ARID4B: variants seen among roughly 807,000 people sequenced by gnomAD.
The protein encoded by ARID4B is AT-rich interactive domain-containing protein 4B.
In ARID4B, 26 loss-of-function variants were observed where a neutral mutation model predicts 147.5. The observed-to-expected ratio is 0.18, with a 90% CI of 0.13 to 0.24. ARID4B has a LOEUF of 0.24. Among genes scored for constraint, ARID4B ranks in the 10% least tolerant of loss-of-function variants. The probability of loss-of-function intolerance (pLI) is 1.00; values close to 1 mark genes in which losing one functional copy is unlikely to be tolerated. For synonymous variants in ARID4B, 512 were observed against 507.9 expected (o/e 1.01, Z -0.11); for missense variants, 1,179 against 1,511.5 (o/e 0.78, Z 3.65).
At chr1:235,204,967 G>A (rs1199612072) in intron 17 of ARID4B, among the ~76,000 whole-genome samples, 1 of 151,976 alleles carries the variant, frequency 6.6e-6, no homozygotes, top group Non-Finnish European at 1.5e-5. Context: ...CAAAATCTAT[G>A]GTTAACTCAA....
intron 2 of ARID4B, among the ~76,000 whole-genome samples, chr1:235,287,333 C>T (rs1437948759): frequency 6.6e-6 from 1 of 151,868 alleles, no homozygotes; most frequent in Non-Finnish European, 1.5e-5. Context: ...CAGATCTGAT[C>T]CCAGACTACT....
chr1:235,243,045 CCT>C (rs980842679), intron 7 of ARID4B, among the ~76,000 whole-genome samples: 4 of 151,980 alleles, frequency 2.6e-5, no homozygotes, highest in Admixed American at 6.6e-5. Flanking sequence ...TATCTCCTCC[CCT>C]GAGAGAATGT....
At chr1:235,170,898 G>C (rs1206534890) in intron 23 of ARID4B, among the ~76,000 whole-genome samples, 1 of 124,094 alleles carries the variant, frequency 8.1e-6, no homozygotes, top group South Asian at 2.8e-4. Flanking sequence ...GTGACTGACC[G>C]AGACTCCGTC....
chr1:235,269,129 T>C (rs1670807839), intron 2 of ARID4B, among the ~76,000 whole-genome samples: 1 of 152,198 alleles, frequency 6.6e-6, no homozygotes, highest in Non-Finnish European at 1.5e-5. Flanking sequence ...CAAATTACAA[T>C]GCATTCAGTA....
intron 17 of ARID4B, among the ~76,000 whole-genome samples, chr1:235,200,788 T>C (rs575781968): frequency 1.3e-5 from 2 of 152,108 alleles, no homozygotes; most frequent in Admixed American, 6.5e-5. Context: ...GATAAGAAAA[T>C]AGTCAATGCA....
At chr1:235,243,645 G>A (rs893929955) in intron 7 of ARID4B, among the ~76,000 whole-genome samples, 2 of 151,938 alleles carry the variant, frequency 1.3e-5, no homozygotes, top group African/African-American at 2.4e-5. Context: ...ACAAGATATG[G>A]GCCAAGGAAT....
At position 235,283,261 on chromosome 1, in the gene ARID4B, G is replaced by A. The variant is rs571224518; in HGVS notation, c.7-22509C>T. On this transcript the variant is annotated intron_variant, in intron 2 of 23. Coordinates refer to ENST00000264183, the MANE Select transcript of ARID4B (RefSeq NM_016374.6). The stretch of plus-strand genomic sequence containing the variant: ...TAATTCACTAGAGGCAGGAAAAAGA[G>A]CTTAAATCCAGATGTCATACCATAA... 2.0e-5 allele frequency among the ~76,000 whole-genome samples: 3 copies of A among 152,254 alleles called. No homozygotes were observed. In the South Asian group the frequency reaches 6.2e-4, roughly 32 times the overall value.
chr1:235,211,741 T>G (rs16832469), intron 17 of ARID4B, among the ~76,000 whole-genome samples: 2 of 152,098 alleles, frequency 1.3e-5, no homozygotes, highest in African/African-American at 4.8e-5. Flanking sequence ...AGCTTTTTTC[T>G]TCCTAATTTT....
chr1:235,232,968 G>A (rs1668336896), intron 9 of ARID4B, among the ~76,000 whole-genome samples: 1 of 151,974 alleles, frequency 6.6e-6, no homozygotes, highest in South Asian at 2.1e-4. Flanking sequence ...CTCCCTAGTA[G>A]CTGGAATTAC....
intron 9 of ARID4B, among the ~76,000 whole-genome samples, chr1:235,232,347 G>GA: frequency 6.6e-6 from 1 of 152,034 alleles, no homozygotes; most frequent in East Asian, 1.9e-4. Context: ...TTGAACCTGG[G>GA]AGGCGGAGGT....
At chr1:235,317,533 G>A (rs925825654) in intron 2 of ARID4B, among the ~76,000 whole-genome samples, 2 of 152,164 alleles carry the variant, frequency 1.3e-5, no homozygotes, top group African/African-American at 4.8e-5. Flanking sequence ...ATGGTAAGGT[G>A]AACATGAAGA....
intron 2 of ARID4B, among the ~76,000 whole-genome samples, chr1:235,266,846 GA>G (rs1670641315): frequency 6.6e-6 from 1 of 152,198 alleles, no homozygotes; most frequent in Admixed American, 6.5e-5. Context: ...AATTATTCGA[GA>G]TGGTTTTTAA....
intron 5 of ARID4B, among the ~76,000 whole-genome samples, chr1:235,254,146 A>G (rs1219947607): frequency 6.6e-6 from 1 of 152,160 alleles, no homozygotes; most frequent in East Asian, 1.9e-4. Flanking sequence ...TCTCACTTAC[A>G]TAAAGTCAAA....
intron 2 of ARID4B, among the ~76,000 whole-genome samples, chr1:235,326,547 TTC>T (rs1434656903): frequency 6.6e-6 from 1 of 152,238 alleles, no homozygotes; most frequent in African/African-American, 2.4e-5. Flanking sequence ...ATAAATAAGA[TTC>T]TCTTTCATCA....
At chr1:235,315,779 T>C (rs912937969) in intron 2 of ARID4B, among the ~76,000 whole-genome samples, 8 of 152,350 alleles carry the variant, frequency 5.3e-5, no homozygotes, top group African/African-American at 1.9e-4. Flanking sequence ...ATCTGGTTAT[T>C]CACAGTTAGA....
chr1:235,171,734 G>C (rs749416655), intron 23 of ARID4B, among the ~76,000 whole-genome samples: 4 of 151,944 alleles, frequency 2.6e-5, no homozygotes, highest in Non-Finnish European at 5.9e-5. Context: ...CTGCCTCCTG[G>C]GTTTAAGCAA....
chr1:235,231,105 A>G lies in ARID4B; in HGVS notation c.742+8T>C. 1 of 1,551,566 alleles carries G rather than the reference A, an allele frequency of 6.4e-7. No individual in the cohort carries two copies. The highest frequency in any genetic ancestry group is 8.7e-7 in the Non-Finnish European group (1 of 1,144,180). On this transcript the variant is annotated splice_region_variant and intron_variant, in intron 10 of 23. Transcript: ENST00000264183. The stretch of plus-strand genomic sequence containing the variant: ...AGTACTTGTAATTTATTCCAAGATT[A>G]TCCTTACCTTGCTTTAAAACAGCAT...
intron 2 of ARID4B, among the ~76,000 whole-genome samples, chr1:235,277,082 T>C (rs1382974414): frequency 6.6e-6 from 1 of 151,444 alleles, no homozygotes; most frequent in Non-Finnish European, 1.5e-5. Flanking sequence ...CATGGCTCTA[T>C]AAAAAATAAA....
intron 15 of ARID4B, 151 bp from the exon 16 acceptor site, chr1:235,220,119 A>T: frequency 1.2e-6 from 1 of 805,312 alleles, no homozygotes; most frequent in Non-Finnish European, 1.8e-6. Flanking sequence ...TTAAAGCTCT[A>T]GACAAAAATA....
Sources: allele counts gnomAD v4.1 joint callset (sites outside exome capture counted in the v4.1 genomes callset), GRCh38; gene constraint gnomAD v4.1.1; transcripts MANE v1.5; gene names NCBI Gene and HGNC (gene_info 2026-07-23, HGNC 2026-07-21).